The following PLCE1 variants were observed in gnomAD, a reference collection of about 807,000 sequenced individuals.
PLCE1 encodes the protein 1-phosphatidylinositol 4,5-bisphosphate phosphodiesterase epsilon-1.
Under a neutral mutation model 242.8 loss-of-function variants are expected in PLCE1, and 119 were observed. The observed-to-expected ratio is 0.49, with a 90% CI of 0.42 to 0.57. The LOEUF (loss-of-function observed/expected upper bound fraction) is 0.57, where lower values mean the gene tolerates loss of function less well. PLCE1 is among the 20% of genes least tolerant of loss of function. The pLI is 0.00. For synonymous variants in PLCE1, 945 were observed against 1,017.4 expected (o/e 0.93, Z 1.35); for missense variants, 2,441 against 2,788.8 (o/e 0.88, Z 2.81).
chr10:94,026,680 C>A (rs1206249350), intron 1 of PLCE1, among the ~76,000 whole-genome samples: 2 of 152,190 alleles, frequency 1.3e-5, no homozygotes, highest in East Asian at 3.9e-4. Flanking sequence ...ATATATATTT[C>A]ATCTCAATAT....
At chr10:94,058,449 A>G (rs188078816) in intron 2 of PLCE1, among the ~76,000 whole-genome samples, 163 of 152,352 alleles carry the variant, frequency 1.1e-3, no homozygotes, top group African/African-American at 3.8e-3. Context: ...AGTTTGGGAA[A>G]CATCACATTT....
chr10:94,303,852 C>T (rs949041287), intron 24 of PLCE1, among the ~76,000 whole-genome samples: 3 of 152,022 alleles, frequency 2.0e-5, no homozygotes, highest in African/African-American at 7.2e-5. Context: ...ATATAACAGC[C>T]TTGTCTCCTT....
chr10:94,146,127 G>A (rs1201440424), intron 3 of PLCE1, among the ~76,000 whole-genome samples: 2 of 152,126 alleles, frequency 1.3e-5, no homozygotes, highest in Non-Finnish European at 2.9e-5. Flanking sequence ...TTGAATAGTG[G>A]CACATTAGGA....
chr10:94,185,553 C>A (rs1395875999), intron 4 of PLCE1, among the ~76,000 whole-genome samples: 1 of 152,092 alleles, frequency 6.6e-6, no homozygotes, highest in African/African-American at 2.4e-5. Flanking sequence ...ACTGTGGGAC[C>A]CTGGGCAAGT....
intron 3 of PLCE1, among the ~76,000 whole-genome samples, chr10:94,168,366 G>A (rs1213597764): frequency 6.6e-6 from 1 of 152,202 alleles, no homozygotes; most frequent in East Asian, 1.9e-4. Flanking sequence ...AAGACTTCTG[G>A]GATGTTTTTT....
At chr10:94,081,694 T>A (rs1159970444) in intron 2 of PLCE1, among the ~76,000 whole-genome samples, 3 of 152,236 alleles carry the variant, frequency 2.0e-5, no homozygotes, top group East Asian at 3.8e-4. Flanking sequence ...TAATCAATAA[T>A]GTAGGTCTGT....
chr10:94,071,263 C>T (rs2044343732), intron 2 of PLCE1, among the ~76,000 whole-genome samples: 1 of 152,130 alleles, frequency 6.6e-6, no homozygotes, highest in African/African-American at 2.4e-5. Flanking sequence ...ACCATCCTGG[C>T]TAGGAATAGT....
intron 4 of PLCE1, among the ~76,000 whole-genome samples, chr10:94,221,732 C>CT (rs1348994416): frequency 3.3e-5 from 5 of 151,084 alleles, no homozygotes; most frequent in African/African-American, 1.2e-4. Context: ...GAAGTTCTGT[C>CT]TAAAAAAAAA....
intron 4 of PLCE1, among the ~76,000 whole-genome samples, chr10:94,204,787 GAAGGAAGGAAGGAAGC>G (rs1373277058): frequency 0.064 from 8,981 of 140,130 alleles, 379 homozygotes; most frequent in Middle Eastern, 0.091. Context: ...AGGAAGGAAG[GAAGGAAGGAAGGAAGC>G]AAAATAATGT....
At chr10:94,087,706 G>A (rs2044886387) in intron 2 of PLCE1, among the ~76,000 whole-genome samples, 4 of 152,106 alleles carry the variant, frequency 2.6e-5, no homozygotes. Flanking sequence ...TCCTCCCAAA[G>A]TGTTGGGATT....
intron 28 of PLCE1, among the ~76,000 whole-genome samples, 166 bp downstream of exon 28, chr10:94,313,548 G>A (rs1416708888): frequency 6.6e-6 from 1 of 152,160 alleles, no homozygotes; most frequent in Non-Finnish European, 1.5e-5. Context: ...ATTCAACATT[G>A]AGATCCACTC....
At chr10:94,071,657 C>T (rs999313551) in intron 2 of PLCE1, among the ~76,000 whole-genome samples, 2 of 151,758 alleles carry the variant, frequency 1.3e-5, no homozygotes, top group African/African-American at 4.8e-5. Flanking sequence ...TGCCACCATG[C>T]CCAGCTAATA....
Position 94,329,810 on chromosome 10 carries a change from A to AAAAAAAAAC in PLCE1, c.*1868_*1869insAAAAAAACA, listed in dbSNP as rs2054138082. Reference sequence around the variant, plus strand: ...AAAAAAAAAAAAAAAAAAAAAAAAAAACACCATACAGCTTTCATGTCATTG... The same window carrying AAAAAAAAAC: ...AAAAAAAAAAAAAAAAAAAAAAAAAAAAAAAAAACACACCATACAGCTTTCATGTCATTG... On this transcript the variant is annotated 3_prime_UTR_variant, in exon 33 of 33. Coordinates refer to ENST00000371380, the MANE Select transcript of PLCE1 (RefSeq NM_016341.4). The AAAAAAAAAC allele has an allele frequency of 6.9e-6, 1 of 144,382 alleles. No individual in the cohort carries two copies. Among genetic ancestry groups the AAAAAAAAAC allele is most frequent in the African/African-American group, 2.6e-5 (1 of 38,852 alleles). The allele number at this position is 144,382 out of a possible 1,614,324, so 8.9% of individuals were successfully genotyped here. A position where few individuals can be genotyped will look rare whatever the true frequency, so the allele number is the denominator to read the frequency against.
chr10:94,312,664 A>C (rs1038591533), intron 27 of PLCE1, among the ~76,000 whole-genome samples: 2 of 152,222 alleles, frequency 1.3e-5, no homozygotes, highest in Admixed American at 6.5e-5. Flanking sequence ...TTCAACTGGA[A>C]GCCCTTGGCA....
intron 3 of PLCE1, among the ~76,000 whole-genome samples, chr10:94,133,835 A>G (rs1288643379): frequency 4.6e-5 from 7 of 152,120 alleles, no homozygotes; most frequent in African/African-American, 1.2e-4. Context: ...GGAACAAAAC[A>G]TAATTCCTGC....
intron 2 of PLCE1, among the ~76,000 whole-genome samples, chr10:94,125,201 C>T (rs941489795): frequency 5.3e-5 from 8 of 152,152 alleles, no homozygotes; most frequent in Non-Finnish European, 1.0e-4. Context: ...AGCTGACATT[C>T]TAATGGAAGG....
In PLCE1 at chr10:94,132,280, T is replaced by C. The variant is rs199689540; in HGVS notation, c.1313T>C (p.Val438Ala). The change falls in exon 3 of 33, where the codon GTT becomes GCT. Residue 438 changes from valine to alanine, a missense_variant. Val to Ala is a moderately conservative substitution (Grantham distance 64). Transcript: ENST00000371380. Reference protein sequence around the residue: ...ASETAHGRISVGPCLKQCVRD... With the variant: ...ASETAHGRISAGPCLKQCVRD... ...GAGACAGCCCATGGAAGGATAAGCG[T>C]TGGTCCATGCTTAAAGCAATGTGTC... The C allele has an allele frequency of 1.4e-4, 228 of 1,613,764 alleles. No homozygotes were observed. In the East Asian group the frequency reaches 5.0e-3, roughly 35 times the overall value.
intron 21 of PLCE1, 78 bp downstream of exon 21, chr10:94,283,989 C>A: frequency 6.6e-7 from 1 of 1,506,142 alleles, no homozygotes; most frequent in Non-Finnish European, 9.2e-7. Flanking sequence ...TCCACTTGCT[C>A]CCTGTCCCTC....
intron 2 of PLCE1, among the ~76,000 whole-genome samples, chr10:94,070,356 G>C (rs2044316158): frequency 6.6e-6 from 1 of 152,114 alleles, no homozygotes; most frequent in African/African-American, 2.4e-5. Flanking sequence ...TAAATGTTCA[G>C]CATATATGTT....
Sources: allele counts gnomAD v4.1 joint callset (sites outside exome capture counted in the v4.1 genomes callset), GRCh38; gene constraint gnomAD v4.1.1; transcripts MANE v1.5; gene names NCBI Gene and HGNC (gene_info 2026-07-23, HGNC 2026-07-21).